The following NR5A2 variants were observed in gnomAD, a reference collection of about 807,000 sequenced individuals.
NR5A2 encodes nuclear receptor subfamily 5 group A member 2.
A neutral mutation model predicts 62.7 loss-of-function variants in NR5A2; 26 were observed. That is an observed-to-expected ratio of 0.41 (90% CI 0.30 to 0.58). The LOEUF is 0.58. Among genes scored for constraint, NR5A2 ranks in the 20% least tolerant of loss-of-function variants. NR5A2 has a pLI of 0.22. For synonymous variants in NR5A2, 246 were observed against 241.7 expected, an observed-to-expected ratio of 1.02 and a Z score of -0.16; for missense variants, 541 against 669.1, an observed-to-expected ratio of 0.81 and a Z score of 2.11.
In NR5A2 at chr1:200,109,438, C is replaced by T. The variant is rs147600807; in HGVS notation, c.1111-1764C>T. 2.0e-4 allele frequency among the ~76,000 whole-genome samples: 30 copies of T among 152,156 alleles called. No individual in the cohort carries two copies. The East Asian group carries it at 5.8e-3, about 29-fold the overall frequency. On this transcript the variant is annotated intron_variant, in intron 5 of 7. Coordinates refer to ENST00000367362, the MANE Select transcript of NR5A2 (RefSeq NM_205860.3). Reference sequence around the variant, plus strand: ...CTCATTGCATCTTCACAAGACTTGCCCCATATATTTTTAGCCGAGAAAATA... The same window carrying T: ...CTCATTGCATCTTCACAAGACTTGCTCCATATATTTTTAGCCGAGAAAATA...
chr1:200,048,240 C>T lies in NR5A2; in HGVS notation c.532C>T (p.Leu178=). 4 of 1,614,096 alleles carry T rather than the reference C, an allele frequency of 2.5e-6. 1 individual carries two copies. In the South Asian group the frequency reaches 4.4e-5, roughly 18 times the overall value. Residue 178 remains leucine (L), a synonymous_variant, in exon 5 of 8, where the codon CTG becomes TTG. Transcript: ENST00000367362. This position sits in a 1 kb window ranked among gnomAD's most constrained non-coding sequence, Gnocchi z 4.8. ...GCCAATGTACAAGAGAGACAGGGCC[C>T]TGAAGCAACAGAAAAAAGCCCTCAT... ...FGPMYKRDRA[L]KQQKKALIRA... is the part of the protein sequence containing the mutation.
Position 200,103,918 on chromosome 1 carries a change from G to A in NR5A2, c.1111-7284G>A, listed in dbSNP as rs77928424. ...AAAACAGAACAAGAGGGAGAAGTAT[G>A]GAGATGGTGTAGGTCCAGATTCTGG... On this transcript the variant is annotated intron_variant, in intron 5 of 7. Coordinates refer to ENST00000367362, the MANE Select transcript of NR5A2 (RefSeq NM_205860.3). Among the ~76,000 whole-genome samples the A allele has an allele frequency of 8.0e-4, 122 of 152,336 alleles. 1 individual carries two copies. The East Asian group carries it at 0.019, about 24-fold the overall frequency.
chr1:200,055,841 T>G (rs146649897), intron 5 of NR5A2, among the ~76,000 whole-genome samples: 82 of 152,358 alleles, frequency 5.4e-4, no homozygotes, highest in Middle Eastern at 3.4e-3. Flanking sequence ...TTGCCAGTTC[T>G]CATACTCATC....
chr1:200,039,699 C>G lies in NR5A2; in HGVS notation c.106C>G (p.Arg36Gly), dbSNP rs1661964815. The G allele has an allele frequency of 6.2e-7, 1 of 1,611,184 alleles. No homozygotes were observed. Among genetic ancestry groups the G allele is most frequent in the Admixed American group, 1.7e-5 (1 of 59,906 alleles). Residue 36 changes from arginine (R) to glycine (G), a missense_variant, in exon 2 of 8, where the codon CGC (arginine) becomes GGC (glycine). Around this residue, in one of 3 missense-constraint regions of NR5A2, gnomAD observed 108 missense variants for 103.3 expected, o/e 1.05. Transcript: ENST00000367362. The surrounding 1 kb of genome is among the most constrained non-coding windows in gnomAD (Gnocchi z 5.1). ...CCGACACGGATCCCCCATCCCCGCC[C>G]GCGGTCGCCTTGTCATGCTGCCCAA... is the stretch of plus-strand genomic sequence containing the variant. Reference protein sequence around the residue: ...PDRHGSPIPARGRLVMLPKVE... With the variant: ...PDRHGSPIPAGGRLVMLPKVE...
chr1:200,049,203 T>G (rs533703863), intron 5 of NR5A2, among the ~76,000 whole-genome samples: 1 of 152,222 alleles, frequency 6.6e-6, no homozygotes, highest in African/African-American at 2.4e-5. Context: ...AGCTATATTA[T>G]AATGGTGTCA....
intron 7 of NR5A2, among the ~76,000 whole-genome samples, chr1:200,160,750 T>A (rs976119195): frequency 1.3e-4 from 19 of 151,736 alleles, no homozygotes; most frequent in African/African-American, 4.6e-4. Context: ...TAGTATGGGC[T>A]AAATTCAACA....
chr1:200,148,472 C>T (rs903250129), intron 7 of NR5A2, among the ~76,000 whole-genome samples: 2 of 152,218 alleles, frequency 1.3e-5, no homozygotes, highest in African/African-American at 4.8e-5. Context: ...CTGGGGGTCA[C>T]CTGCCAGCAA....
intron 7 of NR5A2, among the ~76,000 whole-genome samples, chr1:200,141,133 C>T (rs1435460627): frequency 6.6e-6 from 1 of 152,146 alleles, no homozygotes; most frequent in Non-Finnish European, 1.5e-5. Flanking sequence ...TAAATGCACT[C>T]GTTTGTGTGT....
At chr1:200,138,151 TACAA>T (rs1207633580) in intron 7 of NR5A2, among the ~76,000 whole-genome samples, 1 of 152,224 alleles carries the variant, frequency 6.6e-6, no homozygotes, top group African/African-American at 2.4e-5. Context: ...GGATATTTAT[TACAA>T]ACAATGTTAA....
chr1:200,091,486 T>TTC (rs1462099549), intron 5 of NR5A2, among the ~76,000 whole-genome samples: 12 of 138,530 alleles, frequency 8.7e-5, no homozygotes, highest in Non-Finnish European at 1.7e-4. Flanking sequence ...CTCTCTTTCT[T>TTC]TTTTTTTTTT....
intron 7 of NR5A2, among the ~76,000 whole-genome samples, chr1:200,151,899 A>G (rs3828107): frequency 0.062 from 9,468 of 152,310 alleles, 468 homozygotes; most frequent in East Asian, 0.28. Context: ...CCAAGCAATG[A>G]GGACCCTAAG....
chr1:200,041,143 G>T (rs1371913988), intron 2 of NR5A2, among the ~76,000 whole-genome samples: 1 of 152,196 alleles, frequency 6.6e-6, no homozygotes, highest in Non-Finnish European at 1.5e-5. Flanking sequence ...CCTTGGGGTC[G>T]CTGGGTGAGG....
intron 7 of NR5A2, among the ~76,000 whole-genome samples, chr1:200,171,846 T>C (rs771879414): frequency 6.6e-6 from 1 of 152,244 alleles, no homozygotes; most frequent in Non-Finnish European, 1.5e-5. Flanking sequence ...ACTTATGATC[T>C]AGCCTTTGTT....
Position 200,034,783 on chromosome 1 carries a change from C to CTTTTTTTTTT in NR5A2, c.65-4853_65-4844dup, listed in dbSNP as rs767393832. Among the ~76,000 whole-genome samples the CTTTTTTTTTT allele has an allele frequency of 2.3e-3, 161 of 71,274 alleles. 13 individuals are homozygous for CTTTTTTTTTT. The highest frequency in any genetic ancestry group is 8.3e-3 in the African/African-American group (157 of 18,900). The allele number at this position is 71,274 out of a possible 152,430, so 46.8% of individuals were successfully genotyped here. A position where few individuals can be genotyped will look rare whatever the true frequency, so the allele number is the denominator to read the frequency against. On this transcript the variant is annotated intron_variant, in intron 1 of 7. Transcript: ENST00000367362. Reference sequence around the variant, plus strand: ...GTTATTCACACGTGCAGCAGAAAGGCTTTTTTTTTTTTTTTTTTTTTTTTT... The same window carrying CTTTTTTTTTT: ...GTTATTCACACGTGCAGCAGAAAGGCTTTTTTTTTTTTTTTTTTTTTTTTTTTTTTTTTTT...
At chr1:200,165,350 A>G (rs1558178851) in intron 7 of NR5A2, among the ~76,000 whole-genome samples, 1 of 152,056 alleles carries the variant, frequency 6.6e-6, no homozygotes, top group Non-Finnish European at 1.5e-5. Flanking sequence ...ACACATCCTC[A>G]TCACCCAAAG....
chr1:200,120,782 C>A, intron 6 of NR5A2, 26 bp from the exon 7 acceptor site: 1 of 1,516,700 alleles, frequency 6.6e-7, no homozygotes, highest in Admixed American at 2.3e-5. Context: ...TCTGATAGTC[C>A]TTAAAACTGT....
At chr1:200,062,227 T>TGTGTGTGTGTGTGTGTGTG (rs1663256673) in intron 5 of NR5A2, among the ~76,000 whole-genome samples, 1 of 145,666 alleles carries the variant, frequency 6.9e-6, no homozygotes, top group African/African-American at 2.5e-5. Flanking sequence ...CTGGCAGATT[T>TGTGTGTGTGTGTGTGTGTG]TGTGTGTGTG....
At chr1:200,066,982 G>T (rs1663513605) in intron 5 of NR5A2, among the ~76,000 whole-genome samples, 1 of 152,214 alleles carries the variant, frequency 6.6e-6, no homozygotes, top group Non-Finnish European at 1.5e-5. Context: ...CCTGTCAATA[G>T]AGATGGAACA....
intron 5 of NR5A2, among the ~76,000 whole-genome samples, chr1:200,049,112 A>G (rs1662517066): frequency 6.6e-6 from 1 of 151,990 alleles, no homozygotes; most frequent in South Asian, 2.1e-4. Flanking sequence ...TTTAATTCAG[A>G]TGGTTTGTGG....
Sources: gnomAD v4.1 joint callset for allele counts (sites outside exome capture counted in the v4.1 genomes callset) on GRCh38, gnomAD v4.1.1 for gene constraint, gnomAD v4.1.1 regional missense constraint, Gnocchi (gnomAD v3.1) non-coding constraint, MANE v1.5 for transcripts, NCBI Gene and HGNC (gene_info 2026-07-23, HGNC 2026-07-21) for gene names.